The following WNK3 variants were observed in gnomAD, a reference collection of about 807,000 sequenced individuals.
WNK3 encodes the protein serine/threonine-protein kinase WNK3.
Under a neutral mutation model 116.7 loss-of-function variants are expected in WNK3, and 18 were observed. The observed-to-expected ratio is 0.15, with a 90% CI of 0.11 to 0.23. The LOEUF (loss-of-function observed/expected upper bound fraction) is 0.23, where lower values mean the gene tolerates loss of function less well. Ranked by LOEUF, WNK3 falls within the 10% of genes least tolerant of loss-of-function variation. The pLI is 1.00. For synonymous variants in WNK3, 404 were observed against 469.4 expected (o/e 0.86, Z 1.80); for missense variants, 993 against 1,323.8 (o/e 0.75, Z 3.88).
At chrX:54,345,274 CTA>C (rs201098774) in intron 1 of WNK3, among the ~76,000 whole-genome samples, 1 of 61,951 alleles carries the variant, frequency 1.6e-5, no homozygotes, top group African/African-American at 5.5e-5. Flanking sequence ...ACAACAACAA[CTA>C]TATATATATG....
At chrX:54,236,172 C>T (rs1387637770) in intron 20 of WNK3, among the ~76,000 whole-genome samples, 2 of 111,052 alleles carry the variant, frequency 1.8e-5, no homozygotes, top group East Asian at 2.8e-4. Flanking sequence ...CAGTGGCGCA[C>T]GATCTGGGCT....
intron 5 of WNK3, among the ~76,000 whole-genome samples, chrX:54,306,716 G>A (rs183770989): frequency 1.5e-4 from 17 of 110,852 alleles, no homozygotes; most frequent in Admixed American, 3.9e-4. Flanking sequence ...GAGATCTACC[G>A]TACACCAGGG....
At chrX:54,333,701 T>G in exon 2 of WNK3, 2 of 1,140,182 alleles carry the variant, frequency 1.8e-6, no homozygotes, top group South Asian at 3.9e-5. Flanking sequence ...CTAAAATTTT[T>G]CCTGTTTCTA....
chrX:54,289,643 T>C (rs1557164615), intron 10 of WNK3, among the ~76,000 whole-genome samples: 2 of 111,005 alleles, frequency 1.8e-5, no homozygotes, highest in African/African-American at 6.5e-5. Flanking sequence ...TTTGTGGCAT[T>C]GAAGAATCTG....
chrX:54,305,497 T>C (rs2068813674), intron 5 of WNK3, among the ~76,000 whole-genome samples: 1 of 111,760 alleles, frequency 8.9e-6, no homozygotes, highest in African/African-American at 3.2e-5. Context: ...TTGTATTCTA[T>C]AAAAGCCTCC....
intron 23 of WNK3, among the ~76,000 whole-genome samples, chrX:54,199,972 C>T (rs2067485819): frequency 8.9e-6 from 1 of 112,593 alleles, no homozygotes; most frequent in South Asian, 3.6e-4. Context: ...AACTGGCCTA[C>T]TTTCAATCCC....
At chrX:54,213,347 G>A (rs782498081) in intron 22 of WNK3, among the ~76,000 whole-genome samples, 2 of 108,349 alleles carry the variant, frequency 1.8e-5, no homozygotes, top group South Asian at 4.0e-4. Context: ...AAGGTCAGAA[G>A]ATCAAGACCA....
chrX:54,337,141 C>A (rs186607395), intron 1 of WNK3, among the ~76,000 whole-genome samples: 2 of 111,830 alleles, frequency 1.8e-5, no homozygotes, highest in African/African-American at 6.5e-5. Context: ...AGATTTTAAA[C>A]CTCAAGAGCA....
intron 2 of WNK3, among the ~76,000 whole-genome samples, chrX:54,314,737 C>T (rs1157746102): frequency 5.4e-5 from 6 of 111,493 alleles, no homozygotes; most frequent in Non-Finnish European, 9.4e-5. Flanking sequence ...CGCCACACTG[C>T]GCCACACTGC....
chrX:54,302,948 T>C (rs1429726493), intron 5 of WNK3, among the ~76,000 whole-genome samples: 19 of 89,580 alleles, frequency 2.1e-4, no homozygotes, highest in Non-Finnish European at 1.5e-4. Context: ...TTTTTTTTTT[T>C]TTTTGTAGAG....
chrX:54,211,501 G>T (rs956664700), intron 22 of WNK3, among the ~76,000 whole-genome samples: 1 of 103,983 alleles, frequency 9.6e-6, no homozygotes, highest in Non-Finnish European at 2.0e-5. Context: ...TAACCATAAT[G>T]ATTTTAAAGT....
At chrX:54,201,695 T>A (rs2067502098) in intron 23 of WNK3, among the ~76,000 whole-genome samples, 1 of 111,961 alleles carries the variant, frequency 8.9e-6, no homozygotes, top group Non-Finnish European at 1.9e-5. Context: ...CCATGCCCAT[T>A]TGGTTACATA....
chrX:54,315,975 A>C lies in WNK3; in HGVS notation c.538-4684T>G, dbSNP rs1319995007. Reference sequence around the variant, plus strand: ...CTCTCTCTCCTACTCTGCAGACTAAAAATGACCCCGTCTACCCTTTAGACC... The same window carrying C: ...CTCTCTCTCCTACTCTGCAGACTAACAATGACCCCGTCTACCCTTTAGACC... On this transcript the variant is annotated intron_variant, in intron 2 of 23. Coordinates refer to ENST00000354646, the Ensembl canonical transcript of WNK3. Among the ~76,000 whole-genome samples, 20 of 111,210 alleles carry C rather than the reference A, an allele frequency of 1.8e-4. No homozygotes were observed. The Admixed American group carries it at 1.9e-3, about 11-fold the overall frequency.
intron 2 of WNK3, among the ~76,000 whole-genome samples, chrX:54,316,454 C>T (rs781937559): frequency 3.9e-4 from 41 of 105,939 alleles, no homozygotes; most frequent in African/African-American, 1.3e-3. Context: ...GCAGGAGAAT[C>T]GCTTGAACCC....
intron 22 of WNK3, among the ~76,000 whole-genome samples, chrX:54,216,646 C>T (rs2067699122): frequency 9.0e-6 from 1 of 111,369 alleles, no homozygotes; most frequent in Admixed American, 9.6e-5. Context: ...GAGAAGGTGC[C>T]AATCACTCAC....
At chrX:54,295,787 A>C (rs1401326532) in intron 7 of WNK3, among the ~76,000 whole-genome samples, 1 of 111,704 alleles carries the variant, frequency 9.0e-6, no homozygotes, top group Non-Finnish European at 1.9e-5. Flanking sequence ...TCCCAGGCTC[A>C]AGTGATCCTC....
intron 1 of WNK3, among the ~76,000 whole-genome samples, chrX:54,346,091 CAA>C (rs2069420498): frequency 1.1e-5 from 1 of 87,994 alleles, no homozygotes; most frequent in African/African-American, 4.2e-5. Flanking sequence ...AAATTTAACT[CAA>C]TGATATATAT....
chrX:54,222,945 A>T (rs1603375720), intron 22 of WNK3, among the ~76,000 whole-genome samples: 1 of 96,502 alleles, frequency 1.0e-5, no homozygotes, highest in Non-Finnish European at 2.0e-5. Context: ...TATATAAAAA[A>T]AGACACAATA....
At chrX:54,269,579 G>C (rs1280495111) in intron 10 of WNK3, among the ~76,000 whole-genome samples, 2 of 111,414 alleles carry the variant, frequency 1.8e-5, no homozygotes, top group Non-Finnish European at 3.8e-5. Flanking sequence ...ATATACACAA[G>C]AGAAATGAGT....
Sources: gnomAD v4.1 joint callset for allele counts (sites outside exome capture counted in the v4.1 genomes callset) on GRCh38, gnomAD v4.1.1 for gene constraint, MANE v1.5 for transcripts, NCBI Gene and HGNC (gene_info 2026-07-23, HGNC 2026-07-21) for gene names.